The following CAT variants were observed in gnomAD, a reference collection of about 807,000 sequenced individuals.
CAT encodes the protein catalase.
In CAT, 43 loss-of-function variants were observed where a neutral mutation model predicts 59.0. That is an observed-to-expected ratio of 0.73 (90% CI 0.57 to 0.94). CAT has a LOEUF of 0.94. CAT is among the 40% of genes least tolerant of loss of function. CAT has a pLI of 0.00. For synonymous variants in CAT, 218 were observed against 230.9 expected (o/e 0.94, Z 0.51); for missense variants, 664 against 682.9 (o/e 0.97, Z 0.31).
chr11:34,448,019 T>C (rs568799136), intron 1 of CAT, among the ~76,000 whole-genome samples: 1 of 152,260 alleles, frequency 6.6e-6, no homozygotes, highest in South Asian at 2.1e-4. Context: ...TGTGAGAGGG[T>C]CTTGTTTATT....
intron 3 of CAT, among the ~76,000 whole-genome samples, chr11:34,451,356 A>C (rs2133182349): frequency 6.6e-6 from 1 of 152,354 alleles, no homozygotes; most frequent in South Asian, 2.1e-4. Context: ...CTTTCCTAAA[A>C]GTGGTTGCCT....
chr11:34,468,776 A>G (rs916128458), intron 11 of CAT, among the ~76,000 whole-genome samples: 3 of 152,196 alleles, frequency 2.0e-5, no homozygotes, highest in African/African-American at 7.2e-5. Flanking sequence ...AGCCGGTGTG[A>G]TGGCATGCAC....
At chr11:34,456,600 T>C (rs1856592407) in intron 7 of CAT, 65 bp from the exon 8 acceptor site, 1 of 1,443,096 alleles carries the variant, frequency 6.9e-7, no homozygotes, top group Non-Finnish European at 9.8e-7. Context: ...TCTGGTATTT[T>C]TGTGGGTAGC....
chr11:34,468,654 A>T (rs111795091), intron 11 of CAT: 17 of 542,392 alleles, frequency 3.1e-5, no homozygotes, highest in African/African-American at 2.6e-4. Context: ...ATTTTGTCCT[A>T]TTCTGTTTAA....
chr11:34,470,854 G>A (rs894877084), intron 11 of CAT, 104 bp from the exon 12 acceptor site: 11 of 939,790 alleles, frequency 1.2e-5, no homozygotes, highest in Admixed American at 3.4e-5. Context: ...CTGCTGAAAC[G>A]TCTTTCCTCC....
intron 1 of CAT, among the ~76,000 whole-genome samples, chr11:34,440,118 G>A (rs12272630): frequency 6.6e-6 from 1 of 152,116 alleles, no homozygotes; most frequent in Non-Finnish European, 1.5e-5. Context: ...GCTGGTTAAT[G>A]GTAGACAGAG....
chr11:34,459,869 C>T (rs1160814503), intron 8 of CAT, among the ~76,000 whole-genome samples: 2 of 152,238 alleles, frequency 1.3e-5, no homozygotes, highest in Non-Finnish European at 2.9e-5. Context: ...AGACAACCAG[C>T]TTCCAACCTA....
Position 34,468,301 on chromosome 11 carries a change from A to C in CAT, c.1340A>C (p.Tyr447Ser). The C allele has an allele frequency of 6.2e-7, 1 of 1,613,858 alleles. No homozygotes were observed. The highest frequency in any genetic ancestry group is 8.5e-7 in the Non-Finnish European group (1 of 1,179,778). Residue 447 changes from tyrosine to serine, a missense_variant, in exon 11 of 13, where the codon TAT becomes TCT. By Grantham distance (144) the Tyr-to-Ser change is moderately radical. Transcript: ENST00000241052. Reference sequence around the variant, plus strand: ...TTCTCTGAGCAGGTGCGGGCATTCTATGTGAACGTGCTGAATGAGGAACAG... The same window carrying C: ...TTCTCTGAGCAGGTGCGGGCATTCTCTGTGAACGTGCTGAATGAGGAACAG... Reference protein sequence around the residue: ...DDNVTQVRAFYVNVLNEEQRK... With the variant: ...DDNVTQVRAFSVNVLNEEQRK...
chr11:34,466,557 C>T (rs915667391), intron 10 of CAT, among the ~76,000 whole-genome samples: 9 of 151,798 alleles, frequency 5.9e-5, no homozygotes, highest in Non-Finnish European at 1.3e-4. Context: ...GTGGGCGGAT[C>T]ACGAGGTCAG....
At chr11:34,453,988 T>A (rs1856561153) in intron 6 of CAT, 62 bp downstream of exon 6, 1 of 1,561,884 alleles carries the variant, frequency 6.4e-7, no homozygotes, top group African/African-American at 1.4e-5. Flanking sequence ...TTATTTTTCC[T>A]GAAGGATTGA....
intron 9 of CAT, 122 bp downstream of exon 9, chr11:34,461,511 T>TC (rs1336192345): frequency 8.5e-7 from 1 of 1,180,956 alleles, no homozygotes; most frequent in African/African-American, 1.5e-5. Flanking sequence ...GTAAAGGTGC[T>TC]CCCCAGGTGC....
At chr11:34,450,028 G>C (rs974694210) in intron 2 of CAT, among the ~76,000 whole-genome samples, 3 of 152,134 alleles carry the variant, frequency 2.0e-5, no homozygotes, top group East Asian at 1.9e-4. Context: ...TTTGGGATGT[G>C]GGGGGAAGCT....
chr11:34,446,125 T>C (rs976906028), intron 1 of CAT, among the ~76,000 whole-genome samples: 1 of 152,198 alleles, frequency 6.6e-6, no homozygotes, highest in Admixed American at 6.5e-5. Flanking sequence ...CAGTTCCTCT[T>C]ATCCAATGTT....
chr11:34,468,249 G>A (rs765095856), intron 10 of CAT, 39 bp from the exon 11 acceptor site: 45 of 1,404,416 alleles, frequency 3.2e-5, no homozygotes, highest in Non-Finnish European at 4.3e-5. Flanking sequence ...TGATAAACTG[G>A]TGATTCAATT....
intron 4 of CAT, among the ~76,000 whole-genome samples, chr11:34,452,564 G>T (rs1335656423): frequency 6.6e-6 from 1 of 151,998 alleles, no homozygotes; most frequent in Non-Finnish European, 1.5e-5. Flanking sequence ...CATGCGGGAG[G>T]GTGGGTATAT....
chr11:34,443,854 G>A (rs79974132), intron 1 of CAT, among the ~76,000 whole-genome samples: 1,673 of 152,266 alleles, frequency 0.011, 18 homozygotes, highest in Admixed American at 0.02. Flanking sequence ...ATTTGGGATG[G>A]AGAAGGGGTG....
intron 8 of CAT, chr11:34,460,607 C>T (rs1037150733): frequency 1.9e-5 from 3 of 159,022 alleles, no homozygotes; most frequent in Admixed American, 6.0e-5. Context: ...TGCCACCATG[C>T]TCGGCTAATG....
chr11:34,467,938 T>C (rs1856737758), intron 10 of CAT, among the ~76,000 whole-genome samples: 2 of 152,182 alleles, frequency 1.3e-5, no homozygotes, highest in Non-Finnish European at 2.9e-5. Flanking sequence ...TCTGGGAGAA[T>C]TGAACAAAGG....
intron 9 of CAT, among the ~76,000 whole-genome samples, chr11:34,463,623 T>C (rs1044075379): frequency 2.0e-5 from 3 of 152,228 alleles, no homozygotes; most frequent in African/African-American, 7.2e-5. Flanking sequence ...CTTGTGTCTG[T>C]AGATTCAAGG....
Sources: gnomAD v4.1 joint callset for allele counts (sites outside exome capture counted in the v4.1 genomes callset) on GRCh38, gnomAD v4.1.1 for gene constraint, MANE v1.5 for transcripts, NCBI Gene and HGNC (gene_info 2026-07-23, HGNC 2026-07-21) for gene names.